Variants in ACOX2 observed in about 807,000 individuals in gnomAD.
ACOX2 encodes peroxisomal acyl-coenzyme A oxidase 2.
In ACOX2, 59 loss-of-function variants were observed where a neutral mutation model predicts 77.5. The ratio of observed to expected loss-of-function variants is 0.76; its 90% CI spans 0.62 to 0.95. ACOX2 has a LOEUF of 0.95. Ranked by LOEUF, ACOX2 falls within the 40% of genes least tolerant of loss-of-function variation. The pLI is 0.00. For synonymous variants in ACOX2, 317 were observed against 340.1 expected (o/e 0.93, Z 0.75); for missense variants, 837 against 880.4 (o/e 0.95, Z 0.62).
intron 12 of ACOX2, among the ~76,000 whole-genome samples, chr3:58,518,210 G>T (rs1177383517): frequency 6.6e-6 from 1 of 151,752 alleles, no homozygotes; most frequent in African/African-American, 2.4e-5. Context: ...AGATATATAT[G>T]AAATTTATTC....
At chr3:58,509,858 G>A (rs534007193) in intron 13 of ACOX2, among the ~76,000 whole-genome samples, 3 of 151,870 alleles carry the variant, frequency 2.0e-5, no homozygotes, top group South Asian at 4.2e-4. Flanking sequence ...TGCCCACCTC[G>A]GCCTCCCAAA....
intron 12 of ACOX2, among the ~76,000 whole-genome samples, chr3:58,518,609 A>G (rs567806299): frequency 6.6e-6 from 1 of 152,320 alleles, no homozygotes; most frequent in Admixed American, 6.5e-5. Context: ...AGAGCAAGGA[A>G]GAGAGAAAGT....
chr3:58,535,233 A>G lies in ACOX2; in HGVS notation c.-91-36T>C. ...GAGGAACTGCCTAGGGCTGGGTGTC[A>G]GCCAGGGCTGGTTGGTAGAAGAAAG... On this transcript the variant is annotated intron_variant, in intron 1 of 14. Coordinates refer to ENST00000302819, the MANE Select transcript of ACOX2 (RefSeq NM_003500.4). This position sits in a 1 kb window ranked among gnomAD's most constrained non-coding sequence, Gnocchi z 4.8. 8.1e-7 allele frequency: 1 copy of G among 1,229,326 alleles called. No homozygotes were observed. Among genetic ancestry groups the G allele is most frequent in the Non-Finnish European group, 1.2e-6 (1 of 860,204 alleles). 76.2% of individuals were successfully genotyped at this position (1,229,326 alleles called of 1,614,324 possible).
Position 58,506,739 on chromosome 3 carries a change from C to T in ACOX2, c.1984-1453G>A, listed in dbSNP as rs574967494. On this transcript the variant is annotated intron_variant, in intron 14 of 14. Coordinates refer to ENST00000302819, the MANE Select transcript of ACOX2 (RefSeq NM_003500.4). ...CTGGGAGGCAGAGGGTTGCAGTGAG[C>T]CGCGGTTGTGCCACTGCATTTCAGC... Among the ~76,000 whole-genome samples the T allele has an allele frequency of 4.6e-5, 7 of 152,270 alleles. 1 individual carries two copies. The South Asian group carries it at 1.5e-3, about 32-fold the overall frequency.
At chr3:58,532,772 G>A (rs1171687777) in intron 5 of ACOX2, among the ~76,000 whole-genome samples, 1 of 152,118 alleles carries the variant, frequency 6.6e-6, no homozygotes, top group Non-Finnish European at 1.5e-5. Context: ...GCTTTAGTTG[G>A]GCTCAGCATA....
At position 58,528,894 on chromosome 3, in the gene ACOX2, G is replaced by A. The variant is rs1255747611; in HGVS notation, c.1055C>T (p.Ala352Val). Residue 352 changes from alanine (A) to valine (V), a missense_variant, in exon 9 of 15, where the codon GCC becomes GTC. Coordinates refer to ENST00000302819, the MANE Select transcript of ACOX2 (RefSeq NM_003500.4). The surrounding 1 kb of genome is among the most constrained non-coding windows in gnomAD (Gnocchi z 5.6). ...CAGGAAATGGAAGGCATAACTGATG[G>A]CCAGCTGAGGAAAGAGTTTCTGCTG... ...TQQQKLFPQL[A>V]ISYAFHFLAV... The A allele has an allele frequency of 1.9e-6, 3 of 1,613,590 alleles. No individual in the cohort carries two copies. The highest frequency in any genetic ancestry group is 2.5e-6 in the Non-Finnish European group (3 of 1,179,750).
chr3:58,533,404 AC>A lies in ACOX2; in HGVS notation c.583+40del, dbSNP rs777584891. 1.3e-6 allele frequency: 2 copies of A among 1,555,802 alleles called. No homozygotes were observed. The highest frequency in any genetic ancestry group is 2.2e-5 in the South Asian group (2 of 89,418). On this transcript the variant is annotated intron_variant, in intron 5 of 14. Transcript: ENST00000302819. The surrounding 1 kb of genome is among the most constrained non-coding windows in gnomAD (Gnocchi z 5.6). ...CTACTCTGCCCTCCAACATTCTTCT[AC>A]TTGGGGAGAGTTAAGGAAGGGGGGT...
intron 14 of ACOX2, among the ~76,000 whole-genome samples, chr3:58,508,433 A>G (rs937604291): frequency 6.6e-6 from 1 of 152,214 alleles, no homozygotes; most frequent in African/African-American, 2.4e-5. Flanking sequence ...CTAGCAGGCA[A>G]TCAGGTCTAA....
intron 14 of ACOX2, among the ~76,000 whole-genome samples, chr3:58,506,087 A>G (rs1201894004): frequency 1.3e-5 from 2 of 152,160 alleles, no homozygotes; most frequent in Non-Finnish European, 1.5e-5. Flanking sequence ...CACTGCACTC[A>G]GTCTGGGTTT....
At chr3:58,517,637 G>T (rs997614098) in intron 12 of ACOX2, among the ~76,000 whole-genome samples, 1 of 146,460 alleles carries the variant, frequency 6.8e-6, no homozygotes, top group African/African-American at 2.5e-5. Flanking sequence ...GGGACGGGGG[G>T]GACTGGTGGG....
rs536867882 is a variant in ACOX2 at position 58,527,467 on chromosome 3, C to T, written c.1156-811G>A. Among the ~76,000 whole-genome samples the T allele has an allele frequency of 9.6e-5, 14 of 146,350 alleles. No individual in the cohort carries two copies. The East Asian group carries it at 1.6e-3, about 17-fold the overall frequency. ...AGGAGAATCTCTTGAACCTGGGAGG[C>T]GGAGGTTGCAGTGAGCCAAGATTGT... On this transcript the variant is annotated intron_variant, in intron 9 of 14. Transcript: ENST00000302819.
Position 58,531,921 on chromosome 3 carries a change from T to A in ACOX2, c.584-109A>T. The A allele has an allele frequency of 7.1e-7, 1 of 1,412,542 alleles. No individual in the cohort carries two copies. 87.5% of individuals were successfully genotyped at this position (1,412,542 alleles called of 1,614,324 possible). ...TTTTGGATGGGTACCTCTGGGGCCC[T>A]GAAAAGTCACTGATCAAAGAGAGAG... On this transcript the variant is annotated intron_variant, in intron 5 of 14. Coordinates refer to ENST00000302819, the MANE Select transcript of ACOX2 (RefSeq NM_003500.4). The surrounding 1 kb of genome is among the most constrained non-coding windows in gnomAD (Gnocchi z 5.8).
chr3:58,509,610 G>GTT (rs148187288), intron 13 of ACOX2, among the ~76,000 whole-genome samples: 7,035 of 113,202 alleles, frequency 0.062, 529 homozygotes, highest in Non-Finnish European at 0.084. Context: ...ATTTCAATCT[G>GTT]TTTTTTTTTT....
intron 8 of ACOX2, among the ~76,000 whole-genome samples, chr3:58,530,198 A>T (rs2108007935): frequency 6.6e-6 from 1 of 152,374 alleles, no homozygotes; most frequent in East Asian, 1.9e-4. Context: ...GGCCAAAGAC[A>T]CTATCACATA....
At chr3:58,532,880 C>T (rs932251366) in intron 5 of ACOX2, among the ~76,000 whole-genome samples, 4 of 152,168 alleles carry the variant, frequency 2.6e-5, no homozygotes, top group African/African-American at 7.2e-5. Context: ...GGAAATCCCT[C>T]GTTGGGGCTT....
Position 58,531,797 on chromosome 3 carries a change from G to C in ACOX2, c.599C>G (p.Thr200Ser). ...WWPGDLGRSA[T>S]HALVQAQLIC... ...CAGCTGGGCCTGGACCAGGGCATGG[G>C]TGGCTGACCGTCCCACTGAGGGCAG... The change falls in exon 6 of 15, where the codon ACC becomes AGC. Residue 200 changes from threonine to serine, a missense_variant. Transcript: ENST00000302819. The surrounding 1 kb of genome is among the most constrained non-coding windows in gnomAD (Gnocchi z 5.8). 1 of 1,613,864 alleles carries C rather than the reference G, an allele frequency of 6.2e-7. No individual in the cohort carries two copies. Among genetic ancestry groups the C allele is most frequent in the Non-Finnish European group, 8.5e-7 (1 of 1,179,956 alleles).
rs1420071268 is a variant in ACOX2 at position 58,534,507 on chromosome 3, C to G, written c.176G>C (p.Ser59Thr). The change falls in exon 3 of 15, where the codon AGT becomes ACT. Residue 59 changes from serine (S) to threonine (T), a missense_variant. By Grantham distance (58) the Ser-to-Thr change is moderately conservative (BLOSUM62 1). Transcript: ENST00000302819. The surrounding 1 kb of genome is among the most constrained non-coding windows in gnomAD (Gnocchi z 4.8). ...GTCCTTACAGCTAAACTCCGGGTAACTGTGGATGATGCTCTCTGCAGAGGA... is the reference window on the plus strand; with the variant it reads ...GTCCTTACAGCTAAACTCCGGGTAAGTGTGGATGATGCTCTCTGCAGAGGA... ...LRRKVESIIH[S>T]YPEFSCKDNY... The G allele has an allele frequency of 6.2e-7, 1 of 1,614,194 alleles. No homozygotes were observed. Among genetic ancestry groups the G allele is most frequent in the East Asian group, 2.2e-5 (1 of 44,894 alleles).
chr3:58,531,409 T>G lies in ACOX2; in HGVS notation c.704-43A>C, dbSNP rs373534443. Reference sequence around the variant, plus strand: ...TGAGGACACCTATCAGTTGAGAGAGTGCTTGCTATGTGGCAGGTATCATAC... The same window carrying G: ...TGAGGACACCTATCAGTTGAGAGAGGGCTTGCTATGTGGCAGGTATCATAC... On this transcript the variant is annotated intron_variant, in intron 6 of 14. Coordinates refer to ENST00000302819, the MANE Select transcript of ACOX2 (RefSeq NM_003500.4). The surrounding 1 kb of genome is among the most constrained non-coding windows in gnomAD (Gnocchi z 5.8). 5.8e-6 allele frequency: 9 copies of G among 1,551,242 alleles called. No homozygotes were observed. The East Asian group carries it at 1.4e-4, about 23-fold the overall frequency.
Position 58,514,753 on chromosome 3 carries a change from T to C in ACOX2, c.1850+2453A>G, listed in dbSNP as rs2107991904. The stretch of plus-strand genomic sequence containing the variant: ...CAAGGCAAGCACTTAGAAATGCTGT[T>C]TGCAAATTTAAAAAACATGCTTATA... On this transcript the variant is annotated intron_variant, in intron 13 of 14. Transcript: ENST00000302819. The surrounding 1 kb of genome is among the most constrained non-coding windows in gnomAD (Gnocchi z 4.3). 6.6e-6 allele frequency among the ~76,000 whole-genome samples: 1 copy of C among 152,360 alleles called. No individual in the cohort carries two copies. The highest frequency in any genetic ancestry group is 2.1e-4 in the South Asian group (1 of 4,818).
Sources: gnomAD v4.1 joint callset for allele counts (sites outside exome capture counted in the v4.1 genomes callset) on GRCh38, gnomAD v4.1.1 for gene constraint, Gnocchi (gnomAD v3.1) non-coding constraint, MANE v1.5 for transcripts, NCBI Gene and HGNC (gene_info 2026-07-23, HGNC 2026-07-21) for gene names.